Variants in HMCN1 observed in about 807,000 individuals in gnomAD.
HMCN1 encodes hemicentin-1.
A neutral mutation model predicts 625.9 loss-of-function variants in HMCN1; 321 were observed. That is an observed-to-expected ratio of 0.51 (90% CI 0.47 to 0.56). The LOEUF (loss-of-function observed/expected upper bound fraction) is 0.56. Ranked by LOEUF, HMCN1 falls within the 20% of genes least tolerant of loss-of-function variation. The pLI is 0.00. For missense variants in HMCN1, 6,588 were observed against 6,887.3 expected (o/e 0.96, Z 1.54); for synonymous variants, 2,425 against 2,417.6 (o/e 1.00, Z -0.09).
At chr1:186,161,846 C>T (rs1437724177) in intron 97 of HMCN1, among the ~76,000 whole-genome samples, 2 of 152,144 alleles carry the variant, frequency 1.3e-5, no homozygotes, top group Admixed American at 1.3e-4. Flanking sequence ...CTCTGGCTGC[C>T]CTTAACATTT....
intron 18 of HMCN1, 89 bp downstream of exon 18, chr1:185,982,478 T>TTTTTTTGG: frequency 7.8e-7 from 1 of 1,274,408 alleles, no homozygotes. Context: ...TTTCATTCTG[T>TTTTTTTGG]CACCTAGGCT....
chr1:185,891,193 G>A (rs1357196401), intron 4 of HMCN1, among the ~76,000 whole-genome samples: 9 of 133,962 alleles, frequency 6.7e-5, no homozygotes. Context: ...TTTATTTTGA[G>A]CCTATGTGTG....
intron 4 of HMCN1, among the ~76,000 whole-genome samples, chr1:185,896,721 T>C (rs1455848133): frequency 6.6e-6 from 1 of 152,206 alleles, no homozygotes; most frequent in East Asian, 1.9e-4. Flanking sequence ...TCCTAATCGT[T>C]CTAATATATA....
In HMCN1 at chr1:185,974,787, T is replaced by C. The variant is rs141034943; in HGVS notation, c.2372-3000T>C. ...CCTTGTTTTGTGATACCAGTACATA[T>C]ATTCTTTGACCTTGTGCTTGTTTTG... On this transcript the variant is annotated intron_variant, in intron 15 of 106. Coordinates refer to ENST00000271588, the MANE Select transcript of HMCN1 (RefSeq NM_031935.3). Among the ~76,000 whole-genome samples, 155 of 152,314 alleles carry C rather than the reference T, an allele frequency of 1.0e-3. 4 individuals carry two copies. In the East Asian group the frequency reaches 0.025, roughly 25 times the overall value.
Position 186,125,607 on chromosome 1 carries a change from C to T in HMCN1, c.12503C>T (p.Pro4168Leu), listed in dbSNP as rs752084384. 1 of 1,611,694 alleles carries T rather than the reference C, an allele frequency of 6.2e-7. No individual in the cohort carries two copies. The highest frequency in any genetic ancestry group is 8.5e-7 in the Non-Finnish European group (1 of 1,178,086). The change falls in exon 82 of 107, where the codon CCA becomes CTA. Residue 4168 changes from proline to leucine, a missense_variant. Physicochemically the swap from Pro to Leu is moderately conservative, Grantham distance 98 (BLOSUM62 -3). This residue lies in a region of HMCN1 where 1,954 missense variants were observed against 2,013.1 expected (regional missense o/e 0.97). Transcript: ENST00000271588. ...CTCTTTTTTAAACTCTTCATAGTAC[C>T]ACCCAGGATCAGAAGTACAGAAGGA... is the stretch of plus-strand genomic sequence containing the variant. ...STSTKLTVHV[P>L]PRIRSTEGHY...
At chr1:186,074,527 ACAG>A (rs138907969) in intron 52 of HMCN1, among the ~76,000 whole-genome samples, 3,802 of 152,242 alleles carry the variant, frequency 0.025, 162 homozygotes, top group African/African-American at 0.086. Context: ...GTAAACTGTA[ACAG>A]CAGCAATTTC....
chr1:185,787,236 C>A (rs1657680439), intron 1 of HMCN1, among the ~76,000 whole-genome samples: 1 of 150,148 alleles, frequency 6.7e-6, no homozygotes, highest in South Asian at 2.1e-4. Flanking sequence ...AAATATTTAC[C>A]TTCTGGGATA....
At chr1:186,069,882 G>C (rs1164825835) in intron 51 of HMCN1, 106 bp downstream of exon 51, 2 of 753,118 alleles carry the variant, frequency 2.7e-6, no homozygotes, top group East Asian at 5.4e-5. Context: ...CACCATTAAA[G>C]ACTTGTTTGT....
intron 63 of HMCN1, among the ~76,000 whole-genome samples, chr1:186,089,294 A>T (rs552942305): frequency 1.3e-5 from 2 of 152,150 alleles, no homozygotes; most frequent in South Asian, 2.1e-4. Context: ...GATTTTCAGT[A>T]AACCTCTGAT....
intron 4 of HMCN1, among the ~76,000 whole-genome samples, chr1:185,873,628 C>T (rs1008819101): frequency 6.6e-6 from 1 of 151,916 alleles, no homozygotes; most frequent in African/African-American, 2.4e-5. Context: ...TTAAGATATT[C>T]CTTTTAAAGC....
chr1:186,124,389 G>A (rs1181900753), intron 81 of HMCN1, among the ~76,000 whole-genome samples: 1 of 151,954 alleles, frequency 6.6e-6, no homozygotes, highest in Non-Finnish European at 1.5e-5. Flanking sequence ...TAAAGTCATA[G>A]CAATAATTCT....
intron 11 of HMCN1, among the ~76,000 whole-genome samples, chr1:185,952,266 G>A (rs1165401472): frequency 1.3e-5 from 2 of 151,798 alleles, no homozygotes; most frequent in Non-Finnish European, 2.9e-5. Context: ...CGGACCAGGT[G>A]TGAGGAGGGG....
chr1:185,946,574 G>C (rs931559775), intron 11 of HMCN1, among the ~76,000 whole-genome samples: 1 of 152,168 alleles, frequency 6.6e-6, no homozygotes, highest in African/African-American at 2.4e-5. Flanking sequence ...ATCAGATGCA[G>C]TAAAGAAAAG....
chr1:186,102,185 T>C (rs1053954964), intron 68 of HMCN1, among the ~76,000 whole-genome samples: 3 of 152,080 alleles, frequency 2.0e-5, no homozygotes, highest in South Asian at 4.1e-4. Context: ...AAGCAGAAAA[T>C]CTTAGATTAA....
At chr1:186,037,813 G>A (rs1324226903) in intron 36 of HMCN1, 121 bp from the exon 37 acceptor site, 12 of 696,654 alleles carry the variant, frequency 1.7e-5, no homozygotes, top group Non-Finnish European at 2.9e-5. Context: ...TTCCAAATAG[G>A]TCAGTGTATA....
intron 44 of HMCN1, 70 bp downstream of exon 44, chr1:186,054,056 TA>T: frequency 7.0e-7 from 1 of 1,419,336 alleles, no homozygotes; most frequent in Non-Finnish European, 9.9e-7. Context: ...CATTTACTTT[TA>T]AAAATATCTT....
At chr1:185,764,952 G>A (rs1030646446) in intron 1 of HMCN1, among the ~76,000 whole-genome samples, 5 of 152,120 alleles carry the variant, frequency 3.3e-5, no homozygotes, top group African/African-American at 1.2e-4. Flanking sequence ...AATGCCTGAA[G>A]AGCATCCCTA....
At chr1:185,843,617 T>A (rs922921902) in intron 1 of HMCN1, among the ~76,000 whole-genome samples, 2 of 152,114 alleles carry the variant, frequency 1.3e-5, no homozygotes, top group Non-Finnish European at 1.5e-5. Context: ...TGGAAGCAAG[T>A]TCTGAAAGGG....
chr1:186,150,848 A>C (rs1397642114), intron 93 of HMCN1, among the ~76,000 whole-genome samples: 2 of 151,978 alleles, frequency 1.3e-5, no homozygotes, highest in East Asian at 3.8e-4. Flanking sequence ...GATGTTTACC[A>C]TCATGCATGA....
Sources: allele counts gnomAD v4.1 joint callset (sites outside exome capture counted in the v4.1 genomes callset), GRCh38; gene constraint gnomAD v4.1.1; regional missense constraint gnomAD v4.1.1; transcripts MANE v1.5; gene names NCBI Gene and HGNC (gene_info 2026-07-23, HGNC 2026-07-21).